The following GPATCH8 variants were observed in gnomAD, a reference collection of about 807,000 sequenced individuals.
GPATCH8 encodes the protein G patch domain-containing protein 8.
Under a neutral mutation model 118.3 loss-of-function variants are expected in GPATCH8, and 18 were observed. That is an observed-to-expected ratio of 0.15 (90% confidence interval 0.11 to 0.23). The LOEUF is 0.23. GPATCH8 is among the 10% of genes least tolerant of loss of function. The pLI is 1.00. For missense variants in GPATCH8, 1,631 were observed against 1,873.8 expected, an observed-to-expected ratio of 0.87 and a Z score of 2.39; for synonymous variants, 659 against 684.7, an observed-to-expected ratio of 0.96 and a Z score of 0.59.
At chr17:44,405,248 G>GCC (rs1256734813) in intron 7 of GPATCH8, among the ~76,000 whole-genome samples, 1 of 135,224 alleles carries the variant, frequency 7.4e-6, no homozygotes, top group Non-Finnish European at 1.6e-5. Flanking sequence ...CACTCTTGTT[G>GCC]CCCAGGATGG....
At chr17:44,446,121 AT>A (rs911823392) in intron 3 of GPATCH8, among the ~76,000 whole-genome samples, 2 of 149,192 alleles carry the variant, frequency 1.3e-5, no homozygotes, top group African/African-American at 2.5e-5. Flanking sequence ...AAAAAAAAAA[AT>A]TTTTTTTTGT....
intron 3 of GPATCH8, among the ~76,000 whole-genome samples, chr17:44,461,750 G>A (rs2051558785): frequency 6.6e-6 from 1 of 152,066 alleles, no homozygotes; most frequent in Non-Finnish European, 1.5e-5. Context: ...CTAGAGCGTA[G>A]TGGTGCGATC....
Position 44,398,292 on chromosome 17 carries a change from G to T in GPATCH8, c.3785C>A (p.Pro1262Gln), listed in dbSNP as rs757014684. 1.2e-6 allele frequency: 2 copies of T among 1,613,918 alleles called. No homozygotes were observed. Among genetic ancestry groups the T allele is most frequent in the South Asian group, 2.2e-5 (2 of 91,068 alleles). The part of the protein sequence containing the change: ...TLESLDSSSQ[P>Q]GPVESSLLPI... ...CAGCAAGCTGGACTCCACAGGGCCT[G>T]GCTGACTGCTGCTATCCAGGGACTC... Residue 1262 changes from proline (P) to glutamine (Q), a missense_variant, in exon 8 of 8, where the codon CCA (proline) becomes CAA (glutamine). By Grantham distance (76) the Pro-to-Gln change is moderately conservative. This residue lies in a region of GPATCH8 where 922 missense variants were observed against 879.7 expected (regional missense o/e 1.05). Transcript: ENST00000591680.
chr17:44,410,647 A>G (rs1165236936), intron 6 of GPATCH8, among the ~76,000 whole-genome samples: 3 of 152,238 alleles, frequency 2.0e-5, no homozygotes, highest in African/African-American at 4.8e-5. Context: ...TAATTCAAGA[A>G]AAGGAGACTG....
Position 44,395,421 on chromosome 17 carries a change from T to C in GPATCH8, c.*2147A>G, listed in dbSNP as rs1180670679. The C allele has an allele frequency of 2.2e-6, 1 of 453,876 alleles. No individual in the cohort carries two copies. Among genetic ancestry groups the C allele is most frequent in the Admixed American group, 2.4e-5 (1 of 42,462 alleles). 28.1% of individuals were successfully genotyped at this position (453,876 alleles called of 1,614,324 possible). Reference sequence around the variant, plus strand: ...TTTTTATTTTTACTTTTAAAATCACTATTCTGGAAGTTAAAGAAAATGCCC... The same window carrying C: ...TTTTTATTTTTACTTTTAAAATCACCATTCTGGAAGTTAAAGAAAATGCCC... On this transcript the variant is annotated 3_prime_UTR_variant, in exon 8 of 8. Transcript: ENST00000591680.
chr17:44,502,357 G>A (rs1425679385), intron 1 of GPATCH8, among the ~76,000 whole-genome samples: 6 of 95,626 alleles, frequency 6.3e-5, no homozygotes, highest in South Asian at 2.8e-4. Context: ...TAGTAATGCA[G>A]TGTTTTTTTT....
chr17:44,418,601 C>T (rs1363605242), intron 6 of GPATCH8, among the ~76,000 whole-genome samples: 7 of 152,168 alleles, frequency 4.6e-5, no homozygotes, highest in East Asian at 1.9e-4. Context: ...ACTACAGGCA[C>T]GTGCTGCCAC....
At chr17:44,477,590 C>G (rs1220048167) in intron 1 of GPATCH8, among the ~76,000 whole-genome samples, 3 of 149,562 alleles carry the variant, frequency 2.0e-5, no homozygotes, top group African/African-American at 7.4e-5. Flanking sequence ...ACATATTTTA[C>G]CACAATAAAA....
chr17:44,487,953 C>G (rs1468651586), intron 1 of GPATCH8, among the ~76,000 whole-genome samples: 1 of 142,704 alleles, frequency 7.0e-6, no homozygotes, highest in Non-Finnish European at 1.5e-5. Flanking sequence ...GACGGAGTCT[C>G]GCTCTGTTAC....
intron 3 of GPATCH8, among the ~76,000 whole-genome samples, chr17:44,463,724 G>A (rs1168450900): frequency 6.6e-6 from 1 of 152,212 alleles, no homozygotes; most frequent in Non-Finnish European, 1.5e-5. Context: ...CATCTGCAAA[G>A]AACAAACAGT....
intron 3 of GPATCH8, among the ~76,000 whole-genome samples, chr17:44,445,030 A>G (rs927819476): frequency 2.0e-5 from 3 of 152,244 alleles, no homozygotes; most frequent in Admixed American, 1.3e-4. Flanking sequence ...CAAGTAGAAC[A>G]TATCACTATA....
Position 44,400,768 on chromosome 17 carries a change from C to CT in GPATCH8, c.1308dup (p.Gly437ArgfsTer7). On this transcript the variant is annotated frameshift_variant, in exon 8 of 8. Transcript: ENST00000591680. LOFTEE classifies it high-confidence loss of function. Reference sequence around the variant, plus strand: ...CAGCTTTTAGGCTTGGGAGAACTGCCTTTTTTACTCTCTGGGGCATTCTTT... The same window carrying CT: ...CAGCTTTTAGGCTTGGGAGAACTGCCTTTTTTTACTCTCTGGGGCATTCTTT... 6.2e-7 allele frequency: 1 copy of CT among 1,613,952 alleles called. No homozygotes were observed. The highest frequency in any genetic ancestry group is 8.5e-7 in the Non-Finnish European group (1 of 1,179,852).
At chr17:44,434,161 A>AAAAT (rs1008384138) in intron 5 of GPATCH8, among the ~76,000 whole-genome samples, 11 of 151,134 alleles carry the variant, frequency 7.3e-5, no homozygotes, top group East Asian at 5.8e-4. Context: ...TAATAATAAT[A>AAAAT]AAATAAATAA....
chr17:44,442,037 AAAAAT>A (rs918751369), intron 3 of GPATCH8, among the ~76,000 whole-genome samples: 19 of 151,082 alleles, frequency 1.3e-4, no homozygotes, highest in South Asian at 6.2e-4. Flanking sequence ...TCAAAGAGAC[AAAAAT>A]AAAATAAAAT....
chr17:44,455,319 T>C (rs1282754701), intron 3 of GPATCH8, among the ~76,000 whole-genome samples: 1 of 152,048 alleles, frequency 6.6e-6, no homozygotes, highest in Non-Finnish European at 1.5e-5. Context: ...CTGACCAACA[T>C]GGAGAAACCC....
chr17:44,444,609 T>A (rs1333111955), intron 3 of GPATCH8, among the ~76,000 whole-genome samples: 2 of 152,092 alleles, frequency 1.3e-5, no homozygotes, highest in African/African-American at 4.8e-5. Flanking sequence ...CTCGTCTGCA[T>A]TTAAAATACA....
intron 3 of GPATCH8, among the ~76,000 whole-genome samples, chr17:44,439,107 GT>G (rs2050607132): frequency 6.6e-6 from 1 of 152,128 alleles, no homozygotes; most frequent in African/African-American, 2.4e-5. Context: ...TAACTGGACA[GT>G]AATCAAGTCA....
intron 5 of GPATCH8, among the ~76,000 whole-genome samples, chr17:44,427,312 G>C (rs2050125216): frequency 6.6e-6 from 1 of 151,486 alleles, no homozygotes; most frequent in Admixed American, 6.6e-5. Context: ...ATTTTTATAG[G>C]CTTATGTTTA....
intron 3 of GPATCH8, among the ~76,000 whole-genome samples, chr17:44,456,925 G>A (rs938855213): frequency 2.6e-5 from 4 of 151,772 alleles, no homozygotes; most frequent in Non-Finnish European, 5.9e-5. Context: ...GTGCAGTGGC[G>A]CAATCTCGGC....
Sources: allele counts gnomAD v4.1 joint callset (sites outside exome capture counted in the v4.1 genomes callset), GRCh38; gene constraint gnomAD v4.1.1; regional missense constraint gnomAD v4.1.1; transcripts MANE v1.5; gene names NCBI Gene and HGNC (gene_info 2026-07-23, HGNC 2026-07-21).